The following SLC24A3 variants were observed in gnomAD, a reference collection of about 807,000 sequenced individuals.
SLC24A3 encodes sodium/potassium/calcium exchanger 3.
Under a neutral mutation model 75.8 loss-of-function variants are expected in SLC24A3, and 28 were observed. That is an observed-to-expected ratio of 0.37 (90% CI 0.27 to 0.51). SLC24A3 has a LOEUF of 0.51. Ranked by LOEUF, SLC24A3 falls within the 20% of genes least tolerant of loss-of-function variation. The probability of loss-of-function intolerance (pLI) is 0.94; values close to 1 mark genes in which losing one functional copy is unlikely to be tolerated. For synonymous variants in SLC24A3, 372 were observed against 334.1 expected, an observed-to-expected ratio of 1.11 and a Z score of -1.24; for missense variants, 663 against 847.8, an observed-to-expected ratio of 0.78 and a Z score of 2.71.
At chr20:19,223,792 G>A (rs1005743021) in intron 1 of SLC24A3, among the ~76,000 whole-genome samples, 5 of 152,158 alleles carry the variant, frequency 3.3e-5, no homozygotes, top group African/African-American at 1.2e-4. Flanking sequence ...CTGTGACATA[G>A]CGTTAGGCTA....
At chr20:19,440,695 T>A (rs1338237294) in intron 2 of SLC24A3, among the ~76,000 whole-genome samples, 1 of 148,024 alleles carries the variant, frequency 6.8e-6, no homozygotes, top group East Asian at 2.0e-4. Flanking sequence ...GTAGAATGAA[T>A]GAATTTAGTA....
At chr20:19,376,431 G>T (rs117980438) in intron 2 of SLC24A3, among the ~76,000 whole-genome samples, 144 of 152,248 alleles carry the variant, frequency 9.5e-4, no homozygotes, top group Non-Finnish European at 1.7e-3. Context: ...ACAAAGTGAG[G>T]CTTCCGAGTC....
At chr20:19,609,620 T>C (rs114128333) in intron 6 of SLC24A3, among the ~76,000 whole-genome samples, 260 of 152,210 alleles carry the variant, frequency 1.7e-3, no homozygotes, top group African/African-American at 5.9e-3. Context: ...CCTGTGTCCA[T>C]GTGTTTTCAT....
chr20:19,421,129 C>T (rs1986910400), intron 2 of SLC24A3, among the ~76,000 whole-genome samples: 2 of 23,432 alleles, frequency 8.5e-5, no homozygotes, highest in Non-Finnish European at 7.9e-5. Context: ...AGGACATAGG[C>T]GTGGGCAAGG....
chr20:19,694,187 C>T (rs1473721074), intron 13 of SLC24A3: 1 of 152,128 alleles, frequency 6.6e-6, no homozygotes, highest in Non-Finnish European at 1.5e-5. Context: ...TTTTAGGAAA[C>T]CCAGCCTTCC....
intron 15 of SLC24A3, among the ~76,000 whole-genome samples, chr20:19,706,413 T>G (rs2032930867): frequency 6.6e-6 from 1 of 152,070 alleles, no homozygotes; most frequent in Non-Finnish European, 1.5e-5. Flanking sequence ...TGGCAGTGAT[T>G]GGGGGATCTG....
At chr20:19,718,854 C>T (rs1377776507) in intron 16 of SLC24A3, among the ~76,000 whole-genome samples, 1 of 152,072 alleles carries the variant, frequency 6.6e-6, no homozygotes, top group Non-Finnish European at 1.5e-5. Flanking sequence ...CTAGAGACAC[C>T]ATAGTGTAGA....
chr20:19,293,197 A>C (rs1983982531), intron 2 of SLC24A3, among the ~76,000 whole-genome samples: 1 of 152,190 alleles, frequency 6.6e-6, no homozygotes, highest in Non-Finnish European at 1.5e-5. Flanking sequence ...AACCACAAAT[A>C]CTAGGCCAAT....
rs909243533 is a variant in SLC24A3 at position 19,602,710 on chromosome 20, C to T, written c.612+17166C>T. 2.6e-5 allele frequency among the ~76,000 whole-genome samples: 4 copies of T among 152,226 alleles called. No individual in the cohort carries two copies. The East Asian group carries it at 7.7e-4, about 29-fold the overall frequency. Reference sequence around the variant, plus strand: ...ACTCCTTCTTCACAAGCATCAACATCTAAAGGAGTCTCTCATCACGTACAT... The same window carrying T: ...ACTCCTTCTTCACAAGCATCAACATTTAAAGGAGTCTCTCATCACGTACAT... On this transcript the variant is annotated intron_variant, in intron 6 of 16. Transcript: ENST00000328041.
Position 19,557,533 on chromosome 20 carries a change from G to C in SLC24A3, c.349-22467G>C, listed in dbSNP as rs192629553. The stretch of plus-strand genomic sequence containing the variant: ...GTAGCTGTCTCCAAAACCACCCTAA[G>C]TGTGGGGAATATTCAGCTCCCATAA... On this transcript the variant is annotated intron_variant, in intron 3 of 16. Transcript: ENST00000328041. Among the ~76,000 whole-genome samples the C allele has an allele frequency of 5.9e-5, 9 of 152,296 alleles. No homozygotes were observed. The East Asian group carries it at 1.5e-3, about 26-fold the overall frequency.
intron 6 of SLC24A3, among the ~76,000 whole-genome samples, chr20:19,604,765 A>T (rs2122656700): frequency 6.6e-6 from 1 of 152,134 alleles, no homozygotes; most frequent in Admixed American, 6.5e-5. Flanking sequence ...GGCTCTGAGG[A>T]ATTTCCTCCA....
chr20:19,607,612 C>G (rs1198045677), intron 6 of SLC24A3, among the ~76,000 whole-genome samples: 2 of 152,120 alleles, frequency 1.3e-5, no homozygotes, highest in Admixed American at 6.5e-5. Context: ...GCTTCATGGC[C>G]GACTGTCCAC....
At chr20:19,286,726 T>A (rs1364713326) in intron 2 of SLC24A3, among the ~76,000 whole-genome samples, 3 of 152,214 alleles carry the variant, frequency 2.0e-5, no homozygotes, top group Non-Finnish European at 4.4e-5. Context: ...AAGCGTACTT[T>A]TAAATTTTCT....
At chr20:19,692,823 T>C (rs2032759316) in intron 12 of SLC24A3, among the ~76,000 whole-genome samples, 3 of 152,140 alleles carry the variant, frequency 2.0e-5, no homozygotes, top group African/African-American at 4.8e-5. Flanking sequence ...CCGCTGACGC[T>C]TTATTATCGG....
At chr20:19,396,613 A>G (rs1986458420) in intron 2 of SLC24A3, among the ~76,000 whole-genome samples, 1 of 152,228 alleles carries the variant, frequency 6.6e-6, no homozygotes, top group Non-Finnish European at 1.5e-5. Flanking sequence ...AATAATAGCC[A>G]CACATTGTTC....
intron 2 of SLC24A3, among the ~76,000 whole-genome samples, chr20:19,499,823 A>G (rs927654257): frequency 6.6e-6 from 1 of 152,102 alleles, no homozygotes; most frequent in African/African-American, 2.4e-5. Flanking sequence ...CATGGATGCT[A>G]CATACATACA....
At chr20:19,339,277 TTTTAGGTATC>T (rs1174521237) in intron 2 of SLC24A3, among the ~76,000 whole-genome samples, 2 of 152,186 alleles carry the variant, frequency 1.3e-5, no homozygotes, top group Non-Finnish European at 2.9e-5. Context: ...GGCAGTTATT[TTTTAGGTATC>T]TAGTTTTTTT....
chr20:19,483,541 C>T (rs1192269009), intron 2 of SLC24A3, among the ~76,000 whole-genome samples: 3 of 152,168 alleles, frequency 2.0e-5, no homozygotes, highest in Non-Finnish European at 4.4e-5. Context: ...GTGGCATTTT[C>T]ACCAGCTGTG....
intron 2 of SLC24A3, among the ~76,000 whole-genome samples, chr20:19,334,189 C>T (rs1427501613): frequency 6.6e-6 from 1 of 152,044 alleles, no homozygotes; most frequent in African/African-American, 2.4e-5. Context: ...TGTTATTGGC[C>T]AAAGGTCCTG....
Sources: gnomAD v4.1 joint callset for allele counts (sites outside exome capture counted in the v4.1 genomes callset) on GRCh38, gnomAD v4.1.1 for gene constraint, MANE v1.5 for transcripts, NCBI Gene and HGNC (gene_info 2026-07-23, HGNC 2026-07-21) for gene names.